The following UQCC1 variants were observed in gnomAD, a reference collection of about 807,000 sequenced individuals.
The protein encoded by UQCC1 is bFGF-repressed Zic-binding protein.
UQCC1 carries 38 observed loss-of-function variants against 48.0 expected under a neutral mutation model. That is an observed-to-expected ratio of 0.79 (90% CI 0.61 to 1.04). The LOEUF (loss-of-function observed/expected upper bound fraction) is 1.04. Ranked by LOEUF, UQCC1 falls within the 50% of genes least tolerant of loss-of-function variation. The pLI, the probability that UQCC1 is intolerant of heterozygous loss-of-function variation, is 0.00. For synonymous variants in UQCC1, 111 were observed against 129.2 expected, an observed-to-expected ratio of 0.86 and a Z score of 0.95; for missense variants, 368 against 381.8, an observed-to-expected ratio of 0.96 and a Z score of 0.30.
At chr20:35,338,884 A>ATATATATATAT (rs1568666124) in intron 7 of UQCC1, among the ~76,000 whole-genome samples, 2 of 59,268 alleles carry the variant, frequency 3.4e-5, no homozygotes, top group East Asian at 2.8e-4. Flanking sequence ...AAAAAAAAAA[A>ATATATATATAT]AAAAAAAAAT....
At chr20:35,320,721 G>A (rs1157352533) in intron 7 of UQCC1, among the ~76,000 whole-genome samples, 1 of 152,164 alleles carries the variant, frequency 6.6e-6, no homozygotes, top group Admixed American at 6.5e-5. Flanking sequence ...GTGGGGGAAT[G>A]GGAAAACAGA....
chr20:35,355,155 G>A (rs2061532775), intron 6 of UQCC1, among the ~76,000 whole-genome samples: 1 of 152,076 alleles, frequency 6.6e-6, no homozygotes, highest in Non-Finnish European at 1.5e-5. Context: ...CACAGGCAGT[G>A]GCCCCAGATG....
intron 1 of UQCC1, chr20:35,409,990 G>C (rs1311904217): frequency 3.3e-5 from 5 of 151,662 alleles, no homozygotes; most frequent in Admixed American, 3.3e-4. Flanking sequence ...ATTTTTAGTA[G>C]AGACAGGGTT....
intron 1 of UQCC1, among the ~76,000 whole-genome samples, chr20:35,407,703 T>C (rs1363750491): frequency 6.6e-6 from 1 of 152,138 alleles, no homozygotes; most frequent in Non-Finnish European, 1.5e-5. Flanking sequence ...CTGGCCAACA[T>C]AGCAAAACCC....
At chr20:35,307,691 T>C (rs2060944251) in intron 8 of UQCC1, among the ~76,000 whole-genome samples, 2 of 152,178 alleles carry the variant, frequency 1.3e-5, no homozygotes, top group Admixed American at 6.5e-5. Context: ...AGATCAGTGA[T>C]GGTGGCAGCT....
intron 6 of UQCC1, among the ~76,000 whole-genome samples, chr20:35,361,743 C>T (rs1367069360): frequency 6.6e-6 from 1 of 152,062 alleles, no homozygotes; most frequent in Non-Finnish European, 1.5e-5. Context: ...TTCTCTAAGC[C>T]CCTGATCCCT....
intron 2 of UQCC1, chr20:35,386,433 T>C (rs2146495476): frequency 2.3e-6 from 1 of 438,620 alleles, no homozygotes; most frequent in African/African-American, 2.0e-5. Context: ...AATGTTACTA[T>C]TTACTTTTCT....
intron 2 of UQCC1, among the ~76,000 whole-genome samples, chr20:35,384,906 G>T (rs1449655376): frequency 6.9e-6 from 1 of 143,930 alleles, no homozygotes; most frequent in Non-Finnish European, 1.5e-5. Flanking sequence ...GGCAAAGGTT[G>T]CAGTGAACCA....
chr20:35,410,709 A>AAAAAAAAAAAAAAC, intron 1 of UQCC1, among the ~76,000 whole-genome samples: 1 of 115,526 alleles, frequency 8.7e-6, no homozygotes, highest in African/African-American at 3.5e-5. Context: ...TGCCTCAAAA[A>AAAAAAAAAAAAAAC]AAAAAAAAAA....
At chr20:35,307,917 C>A (rs1306540124) in intron 8 of UQCC1, among the ~76,000 whole-genome samples, 2 of 152,186 alleles carry the variant, frequency 1.3e-5, no homozygotes, top group African/African-American at 4.8e-5. Context: ...GGCCATGCGG[C>A]CTTTAAGAAG....
At chr20:35,372,436 T>A (rs1023003216) in intron 5 of UQCC1, among the ~76,000 whole-genome samples, 2 of 152,220 alleles carry the variant, frequency 1.3e-5, no homozygotes, top group Non-Finnish European at 2.9e-5. Flanking sequence ...AAATATTCTT[T>A]CCAGGTTATG....
At chr20:35,382,256 G>A (rs560026028) in intron 3 of UQCC1, among the ~76,000 whole-genome samples, 4 of 151,330 alleles carry the variant, frequency 2.6e-5, no homozygotes, top group South Asian at 2.1e-4. Flanking sequence ...ACAGGTGCAC[G>A]CCATCACGCC....
chr20:35,401,477 C>A (rs1243020876), intron 1 of UQCC1, among the ~76,000 whole-genome samples: 2 of 152,122 alleles, frequency 1.3e-5, no homozygotes, highest in African/African-American at 4.8e-5. Context: ...GTTGACCCAT[C>A]TCAGCCAGGA....
In UQCC1 at chr20:35,394,154, G is replaced by A; in HGVS notation, c.67C>T (p.Arg23Ter). 6.2e-7 allele frequency: 1 copy of A among 1,613,994 alleles called. No homozygotes were observed. The highest frequency in any genetic ancestry group is 8.5e-7 in the Non-Finnish European group (1 of 1,179,976). The change falls in exon 2 of 10, where the codon CGA becomes TGA. Residue 23 changes from arginine (R) to a stop codon, truncating the protein, a stop_gained. Coordinates refer to ENST00000374385, the MANE Select transcript of UQCC1 (RefSeq NM_018244.5). LOFTEE classifies it high-confidence loss of function. ...TGGGTAGGAGACACAGGTATCAATC[G>A]GCTGCATACTGGAACCCACTGAGAA... ...SISQWVPVCS[R>*]LIPVSPTQGQ...
intron 8 of UQCC1, among the ~76,000 whole-genome samples, chr20:35,312,872 C>T (rs1376005148): frequency 6.6e-6 from 1 of 151,844 alleles, no homozygotes; most frequent in African/African-American, 2.4e-5. Context: ...GACATAAAGT[C>T]AAATGAATGG....
At chr20:35,337,228 G>A (rs1047042537) in intron 7 of UQCC1, among the ~76,000 whole-genome samples, 3 of 149,132 alleles carry the variant, frequency 2.0e-5, no homozygotes, top group South Asian at 2.1e-4. Flanking sequence ...TTGCTCTGTC[G>A]CCCAGGCTAG....
intron 7 of UQCC1, among the ~76,000 whole-genome samples, chr20:35,339,843 T>C (rs2061358292): frequency 1.3e-5 from 2 of 152,122 alleles, no homozygotes; most frequent in Admixed American, 1.3e-4. Flanking sequence ...TTTTGCACAA[T>C]CTTAGATGCA....
chr20:35,307,056 C>T, intron 8 of UQCC1: 1 of 482,182 alleles, frequency 2.1e-6, no homozygotes, highest in South Asian at 2.0e-5. Context: ...TCAGGCAGTA[C>T]TCCGTACTGC....
chr20:35,306,645 G>A, intron 9 of UQCC1, 21 bp downstream of exon 9: 3 of 1,591,500 alleles, frequency 1.9e-6, no homozygotes, highest in Non-Finnish European at 8.6e-7. Flanking sequence ...GACTTGGGAG[G>A]GGAGGGAAAG....
Sources: gnomAD v4.1 joint callset for allele counts (sites outside exome capture counted in the v4.1 genomes callset) on GRCh38, gnomAD v4.1.1 for gene constraint, MANE v1.5 for transcripts, NCBI Gene and HGNC (gene_info 2026-07-23, HGNC 2026-07-21) for gene names.